PHC3: variants seen among roughly 807,000 people sequenced by gnomAD.
The protein encoded by PHC3 is polyhomeotic homolog 3, also known as polyhomeotic-like protein 3.
A neutral mutation model predicts 107.4 loss-of-function variants in PHC3; 13 were observed. The observed-to-expected ratio is 0.12, with a 90% confidence interval of 0.08 to 0.19. The LOEUF is 0.19. PHC3 is among the 10% of genes least tolerant of loss of function. The pLI, the probability that PHC3 is intolerant of heterozygous loss-of-function variation, is 1.00. For synonymous variants in PHC3, 456 were observed against 427.4 expected, an observed-to-expected ratio of 1.07 and a Z score of -0.83; for missense variants, 992 against 1,210.9, an observed-to-expected ratio of 0.82 and a Z score of 2.68.
chr3:170,163,950 A>G (rs772569021), intron 4 of PHC3, among the ~76,000 whole-genome samples: 11 of 151,796 alleles, frequency 7.2e-5, no homozygotes, highest in Non-Finnish European at 7.4e-5. Flanking sequence ...CTATAATCTC[A>G]GCATTTTGGG....
chr3:170,111,080 C>T (rs868370373), intron 11 of PHC3, among the ~76,000 whole-genome samples: 8 of 152,000 alleles, frequency 5.3e-5, no homozygotes, highest in African/African-American at 1.9e-4. Flanking sequence ...CCTGATTTAA[C>T]TAAATAACTA....
At chr3:170,114,068 G>A (rs1443208547) in intron 10 of PHC3, among the ~76,000 whole-genome samples, 1 of 151,998 alleles carries the variant, frequency 6.6e-6, no homozygotes, top group Non-Finnish European at 1.5e-5. Context: ...TTGTTGCAAT[G>A]GTGCAATCTT....
At chr3:170,141,312 ATATC>A (rs1372158761) in intron 6 of PHC3, among the ~76,000 whole-genome samples, 1 of 152,206 alleles carries the variant, frequency 6.6e-6, no homozygotes, top group African/African-American at 2.4e-5. Flanking sequence ...AAGAGAAACA[ATATC>A]CATAGAGAAA....
At chr3:170,169,751 A>C (rs1729296385) in intron 4 of PHC3, 1 of 152,228 alleles carries the variant, frequency 6.6e-6, no homozygotes, top group Non-Finnish European at 1.5e-5. Context: ...AATAACATGA[A>C]GGAAAAAAAT....
chr3:170,123,819 C>T (rs895890565), intron 8 of PHC3, among the ~76,000 whole-genome samples: 10 of 151,684 alleles, frequency 6.6e-5, no homozygotes, highest in Admixed American at 2.0e-4. Context: ...AAAATGGAAT[C>T]GAAGGCACCC....
chr3:170,121,706 G>C (rs1340992950), intron 9 of PHC3, among the ~76,000 whole-genome samples: 1 of 152,098 alleles, frequency 6.6e-6, no homozygotes. Context: ...TACTCAGTCT[G>C]AATCACAAAC....
rs903715860 is a variant in PHC3, at chr3:170,096,860, A to C, written c.*370T>G. ...GTAGAAAAAATGTATAAGAAAATTG[A>C]ATCAAAAGAGGAGAAATGTAAATCA... On this transcript the variant is annotated 3_prime_UTR_variant, in exon 15 of 15. Transcript: ENST00000495893. 1 of 157,488 alleles carries C rather than the reference A, an allele frequency of 6.3e-6. No homozygotes were observed. The highest frequency in any genetic ancestry group is 6.5e-5 in the Admixed American group (1 of 15,452). The allele number at this position is 157,488 out of a possible 1,614,324, so 9.8% of individuals were successfully genotyped here.
At chr3:170,109,082 A>T (rs1717131991) in intron 11 of PHC3, among the ~76,000 whole-genome samples, 1 of 152,224 alleles carries the variant, frequency 6.6e-6, no homozygotes, top group African/African-American at 2.4e-5. Context: ...CAAATTTGGT[A>T]ATATTACCAA....
intron 6 of PHC3, among the ~76,000 whole-genome samples, chr3:170,138,014 C>A (rs78263922): frequency 6.6e-6 from 1 of 151,836 alleles, no homozygotes. Context: ...CTCACCAACA[C>A]GGCAAACCTG....
At chr3:170,171,975 TC>T (rs1168878833) in intron 3 of PHC3, among the ~76,000 whole-genome samples, 1 of 152,170 alleles carries the variant, frequency 6.6e-6, no homozygotes. Context: ...GTAACAAAAA[TC>T]TTTTTTAAAA....
chr3:170,087,976 G>C lies in PHC3; in HGVS notation c.*9254C>G, dbSNP rs1295919869. 6.6e-6 allele frequency: 1 copy of C among 151,988 alleles called. No homozygotes were observed. Among genetic ancestry groups the C allele is most frequent in the Non-Finnish European group, 1.5e-5 (1 of 67,978 alleles). The allele number at this position is 151,988 out of a possible 1,614,324, so 9.4% of individuals were successfully genotyped here. A position where few individuals can be genotyped will look rare whatever the true frequency, so the allele number is the denominator to read the frequency against. ...GACACTTTTTACATAGATCAAATGTGCTCTTACAATGCAAAATTAACCTTC... is the reference window on the plus strand; with the variant it reads ...GACACTTTTTACATAGATCAAATGTCCTCTTACAATGCAAAATTAACCTTC... On this transcript the variant is annotated 3_prime_UTR_variant, in exon 15 of 15. Transcript: ENST00000495893.
chr3:170,097,806 G>A lies in PHC3; in HGVS notation c.2834-422C>T, dbSNP rs1259786002. ...TAAAGAGGAAACAAAAATATGTTTTGTCATTTAAATAACAATCTAGAAATA... is the reference window on the plus strand; with the variant it reads ...TAAAGAGGAAACAAAAATATGTTTTATCATTTAAATAACAATCTAGAAATA... On this transcript the variant is annotated intron_variant, in intron 14 of 14. Coordinates refer to ENST00000495893, the MANE Select transcript of PHC3 (RefSeq NM_024947.4). The surrounding 1 kb of genome is among the most constrained non-coding windows in gnomAD (Gnocchi z 4.1). Among the ~76,000 whole-genome samples the A allele has an allele frequency of 6.6e-6, 1 of 152,078 alleles. No homozygotes were observed. Among genetic ancestry groups the A allele is most frequent in the Non-Finnish European group, 1.5e-5 (1 of 68,002 alleles).
intron 4 of PHC3, 24 bp downstream of exon 4, chr3:170,171,349 G>T: frequency 6.6e-7 from 1 of 1,511,328 alleles, no homozygotes; most frequent in Non-Finnish European, 9.0e-7. Context: ...TTAAATCCAG[G>T]AAAAAAAAAT....
chr3:170,131,836 CA>C (rs965622864), intron 7 of PHC3, among the ~76,000 whole-genome samples: 1 of 149,928 alleles, frequency 6.7e-6, no homozygotes, highest in Admixed American at 6.6e-5. Context: ...GACGCCATCT[CA>C]AAAAAAAAGA....
intron 10 of PHC3, among the ~76,000 whole-genome samples, chr3:170,116,274 A>C (rs1480680321): frequency 6.6e-6 from 1 of 152,170 alleles, no homozygotes; most frequent in African/African-American, 2.4e-5. Context: ...TTAAAATAAT[A>C]CACTTTATGG....
chr3:170,163,185 C>T (rs1728173669), intron 4 of PHC3, among the ~76,000 whole-genome samples: 1 of 151,978 alleles, frequency 6.6e-6, no homozygotes, highest in African/African-American at 2.4e-5. Flanking sequence ...TGAGTGAATG[C>T]ATGAATGAAC....
At chr3:170,131,156 A>G (rs1722207894) in intron 7 of PHC3, among the ~76,000 whole-genome samples, 1 of 151,918 alleles carries the variant, frequency 6.6e-6, no homozygotes, top group Admixed American at 6.5e-5. Context: ...AAAAAAAAAA[A>G]AAAAAAAGGA....
At chr3:170,125,435 A>G (rs1721092512) in intron 8 of PHC3, among the ~76,000 whole-genome samples, 1 of 152,228 alleles carries the variant, frequency 6.6e-6, no homozygotes. Context: ...TTATCTATGT[A>G]GCATTCCTTC....
chr3:170,102,999 G>A (rs1226070420), intron 12 of PHC3, 65 bp from the exon 13 acceptor site: 3 of 1,491,958 alleles, frequency 2.0e-6, no homozygotes, highest in Non-Finnish European at 2.7e-6. Flanking sequence ...GTATTTAATT[G>A]TGACTTTAAA....
Sources: allele counts gnomAD v4.1 joint callset (sites outside exome capture counted in the v4.1 genomes callset), GRCh38; gene constraint gnomAD v4.1.1; non-coding constraint Gnocchi (gnomAD v3.1); transcripts MANE v1.5; gene names NCBI Gene and HGNC (gene_info 2026-07-23, HGNC 2026-07-21).